Variants in ANO3 observed in about 807,000 individuals in gnomAD.
ANO3 encodes the protein anoctamin 3, also known as anoctamin-3.
In ANO3, 99 loss-of-function variants were observed where a neutral mutation model predicts 144.8. The ratio of observed to expected loss-of-function variants is 0.68; its 90% CI spans 0.58 to 0.81. ANO3 has a LOEUF of 0.81. Among genes scored for constraint, ANO3 ranks in the 30% least tolerant of loss-of-function variants. The pLI, the probability that ANO3 is intolerant of heterozygous loss-of-function variation, is 0.00. For synonymous variants in ANO3, 414 were observed against 392.6 expected (o/e 1.05, Z -0.64); for missense variants, 905 against 1,202.2 (o/e 0.75, Z 3.66).
chr11:26,594,931 G>T (rs777252752), intron 14 of ANO3, among the ~76,000 whole-genome samples: 25 of 152,128 alleles, frequency 1.6e-4, no homozygotes, highest in Non-Finnish European at 3.1e-4. Flanking sequence ...ATTGTGGCCT[G>T]GCGGGACTGC....
intron 1 of ANO3, among the ~76,000 whole-genome samples, chr11:26,417,298 G>A (rs1226924790): frequency 6.6e-6 from 1 of 152,056 alleles, no homozygotes; most frequent in Non-Finnish European, 1.5e-5. Flanking sequence ...TATCTTTCAG[G>A]AGGTGAATGG....
intron 22 of ANO3, 110 bp downstream of exon 22, chr11:26,642,139 G>A (rs1853176904): frequency 1.6e-6 from 2 of 1,274,364 alleles, no homozygotes; most frequent in Non-Finnish European, 2.2e-6. Context: ...CCAACCCCAA[G>A]CATTCTAAAA....
chr11:26,554,875 G>C (rs1177669809), intron 13 of ANO3, among the ~76,000 whole-genome samples: 1 of 152,056 alleles, frequency 6.6e-6, no homozygotes, highest in Non-Finnish European at 1.5e-5. Flanking sequence ...TTTGCCTGAT[G>C]TCTACCATCT....
chr11:26,280,794 T>C (rs767099591), intron 1 of ANO3, among the ~76,000 whole-genome samples: 1 of 152,218 alleles, frequency 6.6e-6, no homozygotes, highest in East Asian at 1.9e-4. Context: ...AAGAGTTCCC[T>C]GTCTCCCAGG....
At chr11:26,332,388 T>C in intron 1 of ANO3, 67 bp downstream of exon 1, 1 of 1,496,412 alleles carries the variant, frequency 6.7e-7, no homozygotes, top group Non-Finnish European at 9.3e-7. Context: ...CTTGCAGTTG[T>C]GTAGGAGCAT....
chr11:26,443,722 G>A, intron 2 of ANO3, 43 bp from the exon 3 acceptor site: 3 of 1,142,584 alleles, frequency 2.6e-6, no homozygotes, highest in Non-Finnish European at 3.7e-6. Context: ...CTGTTGTTAT[G>A]CTTTTATTTC....
At chr11:26,541,251 T>C (rs1590491075) in intron 10 of ANO3, among the ~76,000 whole-genome samples, 1 of 151,774 alleles carries the variant, frequency 6.6e-6, no homozygotes, top group Non-Finnish European at 1.5e-5. Flanking sequence ...ACAATGAGAA[T>C]ACGTGGACAC....
At chr11:26,205,699 C>T (rs1280276312) in intron 1 of ANO3, among the ~76,000 whole-genome samples, 1 of 152,124 alleles carries the variant, frequency 6.6e-6, no homozygotes, top group Non-Finnish European at 1.5e-5. Context: ...AAGCATAAGA[C>T]CCAATCATCC....
intron 3 of ANO3, among the ~76,000 whole-genome samples, chr11:26,454,798 G>T (rs1257775191): frequency 6.6e-6 from 1 of 152,074 alleles, no homozygotes; most frequent in Non-Finnish European, 1.5e-5. Flanking sequence ...CAATATCCTT[G>T]ATGAACATTG....
At position 26,531,293 on chromosome 11, in the gene ANO3, T is replaced by C; in HGVS notation, c.826T>C (p.Ser276Pro). 1 of 1,612,598 alleles carries C rather than the reference T, an allele frequency of 6.2e-7. No individual in the cohort carries two copies. Among genetic ancestry groups the C allele is most frequent in the African/African-American group, 1.3e-5 (1 of 74,514 alleles). Residue 276 changes from serine to proline, a missense_variant, in exon 8 of 27, where the codon TCA (serine) becomes CCA (proline). Coordinates refer to ENST00000256737, the MANE Select transcript of ANO3 (RefSeq NM_031418.4). ...DKSAFPDLEE[S>P]DCYTGPFSRA... ...GTCAGCTTTTCCAGACCTAGAGGAG[T>C]CAGACTGCTATACTGGCCCCTTCAG...
At chr11:26,268,306 A>G (rs1469881938) in intron 1 of ANO3, among the ~76,000 whole-genome samples, 5 of 152,196 alleles carry the variant, frequency 3.3e-5, no homozygotes, top group Non-Finnish European at 1.5e-5. Context: ...ATCAATATCC[A>G]GTCTTTGGCA....
intron 3 of ANO3, among the ~76,000 whole-genome samples, chr11:26,449,612 T>G (rs1006290758): frequency 4.6e-5 from 7 of 152,184 alleles, no homozygotes; most frequent in African/African-American, 1.7e-4. Context: ...TCTCACTAGT[T>G]ATGAGTTAGT....
chr11:26,626,833 G>A (rs768707554), intron 18 of ANO3, among the ~76,000 whole-genome samples: 2 of 151,512 alleles, frequency 1.3e-5, no homozygotes, highest in Non-Finnish European at 2.9e-5. Context: ...ATTTCTTCAA[G>A]AGAACCTCAA....
intron 14 of ANO3, among the ~76,000 whole-genome samples, chr11:26,583,563 C>T (rs536150792): frequency 6.6e-6 from 1 of 152,186 alleles, no homozygotes; most frequent in South Asian, 2.1e-4. Context: ...ACTTTGTGCT[C>T]ATGTAGAGAA....
At chr11:26,452,375 A>G (rs571209264) in intron 3 of ANO3, among the ~76,000 whole-genome samples, 2 of 152,336 alleles carry the variant, frequency 1.3e-5, no homozygotes, top group African/African-American at 4.8e-5. Flanking sequence ...CAATACAGAG[A>G]AGTGCTTAAA....
chr11:26,451,127 A>T (rs959582439), intron 3 of ANO3, among the ~76,000 whole-genome samples: 2 of 152,054 alleles, frequency 1.3e-5, no homozygotes, highest in African/African-American at 2.4e-5. Flanking sequence ...AATAGGAACC[A>T]CTCCGGTCTA....
rs139311124 is a variant in ANO3, at chr11:26,547,527, T to C, written c.1266T>C (p.Phe422=). ...TGTGCGTTTTCTTCTATGGATTATT[T>C]ACAATGAATAATAGTCAAGTAAGGT... is the stretch of plus-strand genomic sequence containing the variant. ...VGLCVFFYGL[F]TMNNSQVSQE... Residue 422 remains phenylalanine (F), a synonymous_variant, in exon 12 of 27, where the codon TTT becomes TTC. Coordinates refer to ENST00000256737, the MANE Select transcript of ANO3 (RefSeq NM_031418.4). 2.8e-5 allele frequency: 45 copies of C among 1,611,754 alleles called. No homozygotes were observed. The highest frequency in any genetic ancestry group is 3.7e-5 in the Non-Finnish European group (44 of 1,178,430).
intron 1 of ANO3, among the ~76,000 whole-genome samples, chr11:26,197,388 A>G (rs546167031): frequency 9.7e-4 from 147 of 152,160 alleles, no homozygotes; most frequent in African/African-American, 3.4e-3. Context: ...TCACTCTGTC[A>G]CCCAGGCTGG....
chr11:26,369,047 A>T, intron 1 of ANO3, among the ~76,000 whole-genome samples: 1 of 152,074 alleles, frequency 6.6e-6, no homozygotes. Context: ...GTCTATATTC[A>T]TAAGAACAAA....
Sources: allele counts gnomAD v4.1 joint callset (sites outside exome capture counted in the v4.1 genomes callset), GRCh38; gene constraint gnomAD v4.1.1; transcripts MANE v1.5; gene names NCBI Gene and HGNC (gene_info 2026-07-23, HGNC 2026-07-21).